KIF25: variants seen among roughly 807,000 people sequenced by gnomAD.
KIF25 encodes kinesin family member 25.
KIF25 carries 19 observed loss-of-function variants against 32.9 expected under a neutral mutation model. The ratio of observed to expected loss-of-function variants is 0.58; its 90% CI spans 0.40 to 0.85. KIF25 has a LOEUF of 0.85. Ranked by LOEUF, KIF25 falls within the 40% of genes least tolerant of loss-of-function variation. KIF25 has a pLI of 0.00. For missense variants in KIF25, 485 were observed against 507.0 expected (o/e 0.96, Z 0.42); for synonymous variants, 225 against 213.7 (o/e 1.05, Z -0.46).
In KIF25 at chr6:168,040,154, C is replaced by G. The variant is rs1252580329; in HGVS notation, c.584C>G (p.Ser195Cys). The change falls in exon 10 of 13, where the codon TCC becomes TGC. Residue 195 changes from serine (S) to cysteine (C), a missense_variant. By Grantham distance (112) the Ser-to-Cys change is moderately radical (BLOSUM62 -1). Transcript: ENST00000643607. ...CACCCCACCCTGGTGCACGCGGATT[C>G]CTCCAGGTCTCACCTGATAATTACG... ...AKHPTLVHAD[S>C]SRSHLIITVT... 1 of 1,613,972 alleles carries G rather than the reference C, an allele frequency of 6.2e-7. No individual in the cohort carries two copies. Among genetic ancestry groups the G allele is most frequent in the African/African-American group, 1.3e-5 (1 of 74,940 alleles).
chr6:168,002,462 A>C (rs1435711257), intron 2 of KIF25, 81 bp from the exon 3 acceptor site: 1 of 152,296 alleles, frequency 6.6e-6, no homozygotes, highest in African/African-American at 2.4e-5. Flanking sequence ...CTTCCTAAGA[A>C]GCTCCATAAA....
intron 4 of KIF25, among the ~76,000 whole-genome samples, chr6:168,012,459 G>A (rs1798660454): frequency 6.6e-6 from 1 of 152,222 alleles, no homozygotes; most frequent in South Asian, 2.1e-4. Context: ...TACAGTGAGG[G>A]AGTCTGTGGT....
intron 5 of KIF25, among the ~76,000 whole-genome samples, chr6:168,026,295 A>G (rs61179238): frequency 0.055 from 8,317 of 152,238 alleles, 480 homozygotes; most frequent in African/African-American, 0.13. Context: ...CTGTCTCAAT[A>G]TGAATACGCT....
Position 168,044,990 on chromosome 6 carries a change from G to A in KIF25, c.1149G>A (p.Pro383=), listed in dbSNP as rs766777631. The A allele has an allele frequency of 2.9e-5, 46 of 1,585,934 alleles. 1 individual carries two copies. In the South Asian group the frequency reaches 3.5e-4, roughly 12 times the overall value. The change falls in exon 13 of 13, where the codon CCG becomes CCA. Residue 383 remains proline (P), a synonymous_variant. Transcript: ENST00000643607. The part of the protein sequence containing the change: ...PSSQTEGKRR[P]D ...CCCAAACGGAGGGGAAGAGGAGGCC[G>A]GATTGAATGCATTAACAAGTTTTTC... is the stretch of plus-strand genomic sequence containing the variant.
At chr6:168,006,003 ATGG>A (rs1224211126) in intron 4 of KIF25, among the ~76,000 whole-genome samples, 1 of 152,152 alleles carries the variant, frequency 6.6e-6, no homozygotes, top group Non-Finnish European at 1.5e-5. Context: ...GGCGGCTCTC[ATGG>A]GAGGGTCAGG....
intron 5 of KIF25, among the ~76,000 whole-genome samples, chr6:168,024,644 G>T (rs1332434482): frequency 1.3e-5 from 2 of 151,898 alleles, no homozygotes; most frequent in Non-Finnish European, 2.9e-5. Context: ...GACATAATTG[G>T]CCAAGGATGG....
At chr6:168,023,557 C>T (rs1457345296) in intron 5 of KIF25, among the ~76,000 whole-genome samples, 1 of 152,012 alleles carries the variant, frequency 6.6e-6, no homozygotes, top group Non-Finnish European at 1.5e-5. Flanking sequence ...CGTGAGCCAC[C>T]ATGCTGGCTA....
chr6:168,025,202 G>A (rs186727801), intron 5 of KIF25, among the ~76,000 whole-genome samples: 1 of 152,196 alleles, frequency 6.6e-6, no homozygotes, highest in East Asian at 1.9e-4. Flanking sequence ...CATCAGAGAC[G>A]CGGGGACGCT....
rs541749216 is a variant in KIF25, at chr6:168,036,027, C to T, written c.317+1996C>T. The T allele has an allele frequency of 1.5e-3, 428 of 279,644 alleles. 1 individual carries two copies. Among genetic ancestry groups the T allele is most frequent in the Non-Finnish European group, 2.0e-3 (273 of 136,318 alleles). The allele number at this position is 279,644 out of a possible 1,614,324, so 17.3% of individuals were successfully genotyped here. A position where few individuals can be genotyped will look rare whatever the true frequency, so the allele number is the denominator to read the frequency against. ...ATACAAAACCACAATGACATCAGTG[C>T]TGATATCAGAGATAGTTTACAGGAA... On this transcript the variant is annotated intron_variant, in intron 8 of 12. Transcript: ENST00000643607.
intron 5 of KIF25, among the ~76,000 whole-genome samples, chr6:168,023,719 C>T (rs1391672302): frequency 6.6e-6 from 1 of 152,190 alleles, no homozygotes; most frequent in Non-Finnish European, 1.5e-5. Flanking sequence ...TTCTTTCTTC[C>T]CTTCAACGTC....
chr6:168,017,711 T>C (rs943851015), intron 4 of KIF25, among the ~76,000 whole-genome samples: 3 of 152,136 alleles, frequency 2.0e-5, no homozygotes, highest in Non-Finnish European at 2.9e-5. Flanking sequence ...CTTCTCTTTA[T>C]GGGGGTCGGC....
At chr6:168,024,307 G>A (rs544686306) in intron 5 of KIF25, among the ~76,000 whole-genome samples, 11 of 148,972 alleles carry the variant, frequency 7.4e-5, no homozygotes, top group African/African-American at 1.7e-4. Context: ...TTGCTTCCTC[G>A]TGACACACAG....
chr6:168,009,145 T>A (rs906361546), intron 4 of KIF25, among the ~76,000 whole-genome samples: 5 of 152,172 alleles, frequency 3.3e-5, no homozygotes, highest in African/African-American at 1.2e-4. Flanking sequence ...GGCATCCTTG[T>A]CTTATTCCAG....
rs184977327 is a variant in KIF25 at position 168,003,165 on chromosome 6, T to A, written c.-252-449T>A. On this transcript the variant is annotated intron_variant, in intron 3 of 12. Transcript: ENST00000643607. ...TCTAAACTGCGCATGAAGGAGATATTTAAGCGTTCTTACTGGAGTATGGAT... is the reference window on the plus strand; with the variant it reads ...TCTAAACTGCGCATGAAGGAGATATATAAGCGTTCTTACTGGAGTATGGAT... Among the ~76,000 whole-genome samples the A allele has an allele frequency of 2.2e-4, 33 of 152,206 alleles. No individual in the cohort carries two copies. The South Asian group carries it at 6.7e-3, about 31-fold the overall frequency.
intron 12 of KIF25, among the ~76,000 whole-genome samples, chr6:168,043,044 C>A (rs1228180722): frequency 6.6e-6 from 1 of 152,176 alleles, no homozygotes; most frequent in East Asian, 1.9e-4. Context: ...GCATGTGTGG[C>A]CTGGGTCCCT....
At chr6:168,025,435 T>C (rs1481681575) in intron 5 of KIF25, among the ~76,000 whole-genome samples, 3 of 152,076 alleles carry the variant, frequency 2.0e-5, no homozygotes, top group Non-Finnish European at 2.9e-5. Flanking sequence ...AGGTCTTACC[T>C]TGCATCCCAA....
intron 4 of KIF25, among the ~76,000 whole-genome samples, chr6:168,015,170 C>A (rs192076009): frequency 4.6e-5 from 7 of 152,266 alleles, no homozygotes; most frequent in African/African-American, 1.7e-4. Flanking sequence ...CAGCAGGCAG[C>A]CTTGGCTTGC....
Position 168,035,461 on chromosome 6 carries a change from C to CGGGGGGGGCGGGAACGGCGCTGCG in KIF25, c.317+1447_317+1448insCGCTGCGGGGGGGGGCGGGAACGG, listed in dbSNP as rs1583143153. ...GGCGGAGGAGGCGGGAACGGCGCTG[C>CGGGGGGGGCGGGAACGGCGCTGCG]GGGGGGGGCGGGAACGGTGCTGAGG... On this transcript the variant is annotated intron_variant, in intron 8 of 12. Transcript: ENST00000643607. Among the ~76,000 whole-genome samples the CGGGGGGGGCGGGAACGGCGCTGCG allele has an allele frequency of 1.4e-4, 10 of 68,982 alleles. 1 individual carries two copies. Among genetic ancestry groups the CGGGGGGGGCGGGAACGGCGCTGCG allele is most frequent in the East Asian group, 5.0e-4 (1 of 1,992 alleles). 45.3% of individuals were successfully genotyped at this position (68,982 alleles called of 152,430 possible).
intron 12 of KIF25, 135 bp downstream of exon 12, chr6:168,042,851 T>C: frequency 9.6e-7 from 1 of 1,044,398 alleles, no homozygotes; most frequent in East Asian, 2.6e-5. Flanking sequence ...TGTGGCTAGC[T>C]GGCACTCCCA....
Sources: gnomAD v4.1 joint callset for allele counts (sites outside exome capture counted in the v4.1 genomes callset) on GRCh38, gnomAD v4.1.1 for gene constraint, MANE v1.5 for transcripts, NCBI Gene and HGNC (gene_info 2026-07-23, HGNC 2026-07-21) for gene names.